Variants in SLC25A21 observed in about 807,000 individuals in gnomAD.
SLC25A21 encodes the protein solute carrier family 25 member 21.
A neutral mutation model predicts 43.8 loss-of-function variants in SLC25A21; 47 were observed. The ratio of observed to expected loss-of-function variants is 1.07; its 90% CI spans 0.85 to 1.37. SLC25A21 has a LOEUF of 1.37. Ranked by LOEUF, SLC25A21 falls within the 40% of genes most tolerant of loss-of-function variation. The pLI is 0.00. For synonymous variants in SLC25A21, 131 were observed against 121.3 expected (o/e 1.08, Z -0.52); for missense variants, 352 against 350.2 (o/e 1.00, Z -0.04).
At chr14:36,947,727 T>C (rs979772512) in intron 1 of SLC25A21, among the ~76,000 whole-genome samples, 1 of 152,184 alleles carries the variant, frequency 6.6e-6, no homozygotes, top group Non-Finnish European at 1.5e-5. Flanking sequence ...AATGTGATAC[T>C]CAAAACACAT....
chr14:36,821,128 G>A (rs1888611530), intron 2 of SLC25A21, among the ~76,000 whole-genome samples: 1 of 152,148 alleles, frequency 6.6e-6, no homozygotes, highest in Non-Finnish European at 1.5e-5. Context: ...TGAAATTTAT[G>A]TGTACACACC....
rs12888266 is a variant in SLC25A21, at chr14:36,889,728, C to T, written c.71-14724G>A. ...GGCTGGTCTCAAACTCCTCCTCAAG[C>T]AATCCTCCCACCTCAGCCTCCCAAA... On this transcript the variant is annotated intron_variant, in intron 1 of 9. Coordinates refer to ENST00000331299, the MANE Select transcript of SLC25A21 (RefSeq NM_030631.4). Among the ~76,000 whole-genome samples, 1,041 of 152,146 alleles carry T rather than the reference C, an allele frequency of 6.8e-3. 12 individuals are homozygous for T. The highest frequency in any genetic ancestry group is 7.9e-3 in the Non-Finnish European group (537 of 68,000).
intron 1 of SLC25A21, among the ~76,000 whole-genome samples, chr14:36,922,408 C>G (rs1247625146): frequency 6.6e-6 from 1 of 152,088 alleles, no homozygotes; most frequent in Non-Finnish European, 1.5e-5. Flanking sequence ...AACCAAAGTA[C>G]TGTGGTCTCA....
At position 36,680,645 on chromosome 14, in the gene SLC25A21, A is replaced by G. The variant is rs772443205; in HGVS notation, c.*13T>C. On this transcript the variant is annotated 3_prime_UTR_variant, in exon 10 of 10. Transcript: ENST00000331299. ...ATCCATTATCTCAAGGGGGAAAAAC[A>G]CTTCATAGGCAATCACCAGTTCTCT... The G allele has an allele frequency of 6.8e-6, 11 of 1,610,970 alleles. No individual in the cohort carries two copies. The highest frequency in any genetic ancestry group is 1.3e-5 in the African/African-American group (1 of 74,926).
chr14:36,806,477 C>T lies in SLC25A21; in HGVS notation c.203+7441G>A, dbSNP rs963337629. 2.6e-5 allele frequency among the ~76,000 whole-genome samples: 4 copies of T among 152,064 alleles called. No individual in the cohort carries two copies. The East Asian group carries it at 5.8e-4, about 22-fold the overall frequency. ...CATTGCATGTATTGAAGTGTCCCTA[C>T]ATACCCCATAAATCTGTACAACTAT... On this transcript the variant is annotated intron_variant, in intron 3 of 9. Transcript: ENST00000331299.
At chr14:36,706,708 G>A (rs892617013) in intron 7 of SLC25A21, among the ~76,000 whole-genome samples, 2 of 152,012 alleles carry the variant, frequency 1.3e-5, no homozygotes, top group Non-Finnish European at 2.9e-5. Flanking sequence ...TTCTCAACAC[G>A]CACATACGGT....
At chr14:36,848,385 T>C (rs895348818) in intron 2 of SLC25A21, among the ~76,000 whole-genome samples, 1 of 152,218 alleles carries the variant, frequency 6.6e-6, no homozygotes, top group African/African-American at 2.4e-5. Flanking sequence ...TAACAACCTT[T>C]CAACCAAATG....
chr14:36,825,532 C>T (rs2138469577), intron 2 of SLC25A21, among the ~76,000 whole-genome samples: 1 of 152,312 alleles, frequency 6.6e-6, no homozygotes, highest in South Asian at 2.1e-4. Flanking sequence ...AAAACCAACT[C>T]ATATGTTTGG....
intron 7 of SLC25A21, among the ~76,000 whole-genome samples, chr14:36,709,625 G>A (rs1027695900): frequency 6.6e-6 from 1 of 152,200 alleles, no homozygotes; most frequent in Non-Finnish European, 1.5e-5. Context: ...AGGGAAACCT[G>A]GTTAACAACT....
In SLC25A21 at chr14:36,984,554, A is replaced by G. The variant is rs1019306402; in HGVS notation, c.71-109550T>C. 1.1e-4 allele frequency among the ~76,000 whole-genome samples: 16 copies of G among 151,982 alleles called. No individual in the cohort carries two copies. In the East Asian group the frequency reaches 2.3e-3, roughly 22 times the overall value. On this transcript the variant is annotated intron_variant, in intron 1 of 9. Coordinates refer to ENST00000331299, the MANE Select transcript of SLC25A21 (RefSeq NM_030631.4). ...CATCATTTGCTTGTTTAAATATTTT[A>G]TAATATTTTATATTTGTAAATCTTA...
At chr14:36,939,290 A>G (rs921844044) in intron 1 of SLC25A21, among the ~76,000 whole-genome samples, 6 of 151,980 alleles carry the variant, frequency 3.9e-5, no homozygotes, top group Non-Finnish European at 8.8e-5. Context: ...TCCAAATCAT[A>G]TAAGCTGGAG....
chr14:36,774,656 C>A (rs190047082), intron 3 of SLC25A21, among the ~76,000 whole-genome samples: 3 of 152,178 alleles, frequency 2.0e-5, no homozygotes, highest in East Asian at 3.9e-4. Context: ...CAGCCTTAAT[C>A]TCCTGGGCTC....
chr14:36,902,056 A>G (rs972765868), intron 1 of SLC25A21, among the ~76,000 whole-genome samples: 14 of 152,236 alleles, frequency 9.2e-5, no homozygotes, highest in African/African-American at 3.1e-4. Flanking sequence ...ACATAAAAAT[A>G]TGATTAACTC....
intron 1 of SLC25A21, among the ~76,000 whole-genome samples, chr14:36,931,121 T>C (rs1288568704): frequency 6.6e-6 from 1 of 152,094 alleles, no homozygotes; most frequent in Non-Finnish European, 1.5e-5. Context: ...CTATTTAAAG[T>C]AAGGGAGGCT....
At chr14:36,880,644 TA>T (rs5807916) in intron 1 of SLC25A21, among the ~76,000 whole-genome samples, 74,252 of 151,866 alleles carry the variant, frequency 0.49, 18,877 homozygotes, top group Admixed American at 0.55. Context: ...TTATGTCAGC[TA>T]AATTCTCAAG....
At chr14:37,065,999 G>C (rs1047497364) in intron 1 of SLC25A21, among the ~76,000 whole-genome samples, 8 of 152,148 alleles carry the variant, frequency 5.3e-5, no homozygotes, top group African/African-American at 1.9e-4. Context: ...GGGAAAATTT[G>C]TATAAGGAGC....
chr14:36,875,517 CATT>C (rs1334939270), intron 1 of SLC25A21, among the ~76,000 whole-genome samples: 3 of 152,160 alleles, frequency 2.0e-5, no homozygotes, highest in Non-Finnish European at 2.9e-5. Context: ...CATATCAATA[CATT>C]AATAGCTTAA....
intron 1 of SLC25A21, among the ~76,000 whole-genome samples, chr14:37,037,998 C>T (rs7359049): frequency 0.48 from 73,613 of 152,048 alleles, 20,784 homozygotes; most frequent in African/African-American, 0.8. Flanking sequence ...TTTGCCCTTA[C>T]TTAAACTTAA....
chr14:36,775,877 A>C (rs1057068316), intron 3 of SLC25A21, among the ~76,000 whole-genome samples: 5 of 151,984 alleles, frequency 3.3e-5, no homozygotes, highest in African/African-American at 1.2e-4. Context: ...TTGACTCCTT[A>C]ATTTCAAAAT....
Sources: gnomAD v4.1 joint callset for allele counts (sites outside exome capture counted in the v4.1 genomes callset) on GRCh38, gnomAD v4.1.1 for gene constraint, MANE v1.5 for transcripts, NCBI Gene and HGNC (gene_info 2026-07-23, HGNC 2026-07-21) for gene names.